KIF26B: variants seen among roughly 807,000 people sequenced by gnomAD.
KIF26B encodes kinesin-like protein KIF26B.
Under a neutral mutation model 151.2 loss-of-function variants are expected in KIF26B, and 63 were observed. The ratio of observed to expected loss-of-function variants is 0.42; its 90% CI spans 0.34 to 0.51. KIF26B has a LOEUF of 0.51. Among genes scored for constraint, KIF26B ranks in the 20% least tolerant of loss-of-function variants. KIF26B has a pLI of 0.07. For missense variants in KIF26B, 2,813 were observed against 2,913.6 expected (o/e 0.97, Z 0.79); for synonymous variants, 1,357 against 1,262.1 (o/e 1.08, Z -1.59).
At chr1:245,661,883 CAT>C (rs2044145690) in intron 10 of KIF26B, among the ~76,000 whole-genome samples, 1 of 141,550 alleles carries the variant, frequency 7.1e-6, no homozygotes, top group East Asian at 2.1e-4. Flanking sequence ...CACATACCCC[CAT>C]ATATATACAC....
intron 2 of KIF26B, among the ~76,000 whole-genome samples, chr1:245,351,893 G>A (rs926016170): frequency 3.3e-5 from 5 of 152,178 alleles, no homozygotes; most frequent in African/African-American, 1.2e-4. Flanking sequence ...GGCCCAATTA[G>A]ACACTTAATA....
At chr1:245,348,881 T>G (rs1275514079) in intron 2 of KIF26B, among the ~76,000 whole-genome samples, 1 of 152,208 alleles carries the variant, frequency 6.6e-6, no homozygotes, top group Admixed American at 6.5e-5. Flanking sequence ...CTGCTGTGGC[T>G]CACAGCCTCA....
intron 4 of KIF26B, among the ~76,000 whole-genome samples, chr1:245,423,047 G>A (rs1052747121): frequency 2.7e-5 from 4 of 147,554 alleles, no homozygotes; most frequent in African/African-American, 7.6e-5. Context: ...TCGGTGAGCC[G>A]AGATGGCGCC....
At chr1:245,306,806 G>A (rs1671563703) in intron 2 of KIF26B, among the ~76,000 whole-genome samples, 1 of 152,138 alleles carries the variant, frequency 6.6e-6, no homozygotes, top group South Asian at 2.1e-4. Context: ...TTCTGTATCT[G>A]TCATATGATC....
chr1:245,385,499 A>C (rs1384319762), intron 3 of KIF26B, among the ~76,000 whole-genome samples: 2 of 152,210 alleles, frequency 1.3e-5, no homozygotes, highest in Non-Finnish European at 2.9e-5. Context: ...GTACTTTTAC[A>C]TTGTAGTACC....
Position 245,685,585 on chromosome 1 carries a change from A to C in KIF26B, c.2602A>C (p.Ile868Leu). The C allele has an allele frequency of 1.2e-6, 2 of 1,613,858 alleles. No homozygotes were observed. Among genetic ancestry groups the C allele is most frequent in the Non-Finnish European group, 1.7e-6 (2 of 1,179,906 alleles). Residue 868 changes from isoleucine to leucine, a missense_variant, in exon 12 of 15, where the codon ATC (isoleucine) becomes CTC (leucine). Physicochemically the swap from Ile to Leu is conservative, Grantham distance 5. Transcript: ENST00000407071. ...SEQSCDTVIY[I>L]GPNGTALSDK... The stretch of plus-strand genomic sequence containing the variant: ...GCAGTCCTGCGACACCGTCATCTAC[A>C]TCGGGCCCAACGGCACGGCCCTCTC...
chr1:245,430,752 A>C (rs1658758055), intron 4 of KIF26B, among the ~76,000 whole-genome samples: 1 of 152,128 alleles, frequency 6.6e-6, no homozygotes, highest in South Asian at 2.1e-4. Context: ...ACACACATTT[A>C]ATCTTCAGAA....
At chr1:245,376,810 C>T (rs1294136917) in intron 3 of KIF26B, among the ~76,000 whole-genome samples, 3 of 152,176 alleles carry the variant, frequency 2.0e-5, no homozygotes, top group Non-Finnish European at 4.4e-5. Flanking sequence ...GCCTCAGCCT[C>T]CTGAGTAGCT....
At chr1:245,361,897 G>A (rs1672827255) in intron 2 of KIF26B, among the ~76,000 whole-genome samples, 1 of 151,986 alleles carries the variant, frequency 6.6e-6, no homozygotes, top group Non-Finnish European at 1.5e-5. Context: ...TGTCAGTGCA[G>A]ATGATAGAAC....
intron 2 of KIF26B, among the ~76,000 whole-genome samples, chr1:245,341,584 A>G (rs190704447): frequency 6.6e-6 from 1 of 152,170 alleles, no homozygotes; most frequent in African/African-American, 2.4e-5. Flanking sequence ...GGCGTCCCAA[A>G]GTGCTGGGAT....
In KIF26B at chr1:245,434,682, A is replaced by C. The variant is rs868702234; in HGVS notation, c.1166+14937A>C. On this transcript the variant is annotated intron_variant, in intron 4 of 14. Transcript: ENST00000407071. Reference sequence around the variant, plus strand: ...AGCAGGCCCAGGTAAGACTGGCAGGAGTTGGTGGATAAACACCCCAGCTCT... The same window carrying C: ...AGCAGGCCCAGGTAAGACTGGCAGGCGTTGGTGGATAAACACCCCAGCTCT... Among the ~76,000 whole-genome samples, 82 of 152,168 alleles carry C rather than the reference A, an allele frequency of 5.4e-4. No individual in the cohort carries two copies. In the Middle Eastern group the frequency reaches 0.024, roughly 44 times the overall value.
intron 2 of KIF26B, among the ~76,000 whole-genome samples, chr1:245,185,058 C>T (rs1341219481): frequency 6.6e-6 from 1 of 152,104 alleles, no homozygotes; most frequent in East Asian, 1.9e-4. Flanking sequence ...TTTATTGCTT[C>T]TCTGGGATTA....
intron 14 of KIF26B, among the ~76,000 whole-genome samples, 163 bp downstream of exon 14, chr1:245,699,200 C>A (rs2044736043): frequency 6.6e-6 from 1 of 152,168 alleles, no homozygotes; most frequent in Non-Finnish European, 1.5e-5. Flanking sequence ...GCCCTACTCC[C>A]CTGGGGATGG....
At chr1:245,644,277 T>C (rs1243174366) in intron 9 of KIF26B, among the ~76,000 whole-genome samples, 1 of 152,188 alleles carries the variant, frequency 6.6e-6, no homozygotes, top group African/African-American at 2.4e-5. Context: ...GCCATTCATC[T>C]CATCTACTAT....
intron 3 of KIF26B, among the ~76,000 whole-genome samples, chr1:245,418,336 TA>T (rs1674471127): frequency 6.6e-6 from 1 of 152,184 alleles, no homozygotes; most frequent in Non-Finnish European, 1.5e-5. Flanking sequence ...TATAATGCGT[TA>T]AATGAATGAG....
At chr1:245,398,144 C>T (rs1191409921) in intron 3 of KIF26B, among the ~76,000 whole-genome samples, 1 of 152,190 alleles carries the variant, frequency 6.6e-6, no homozygotes. Flanking sequence ...TTTGGCTCTA[C>T]TGTGCTTCCA....
intron 2 of KIF26B, among the ~76,000 whole-genome samples, chr1:245,182,848 G>A (rs1395680339): frequency 1.3e-5 from 2 of 152,180 alleles, no homozygotes; most frequent in African/African-American, 4.8e-5. Flanking sequence ...TGTTAGCCAG[G>A]ATGGTCTTGA....
chr1:245,643,795 T>C (rs192102763), intron 9 of KIF26B, among the ~76,000 whole-genome samples: 4 of 152,300 alleles, frequency 2.6e-5, no homozygotes, highest in African/African-American at 4.8e-5. Flanking sequence ...ACTTGACAGT[T>C]TTTAGTACTT....
rs557955482 is a variant in KIF26B at position 245,694,085 on chromosome 1, G to A, written c.5825-4021G>A. 3.3e-5 allele frequency among the ~76,000 whole-genome samples: 5 copies of A among 152,328 alleles called. No individual in the cohort carries two copies. The East Asian group carries it at 9.6e-4, about 29-fold the overall frequency. On this transcript the variant is annotated intron_variant, in intron 12 of 14. Transcript: ENST00000407071. ...GGTCCTAGGTGCGGGGTTCGGAATC[G>A]CAGAGAACACGGGAGGAAGCCCAGG...
Sources: gnomAD v4.1 joint callset for allele counts (sites outside exome capture counted in the v4.1 genomes callset) on GRCh38, gnomAD v4.1.1 for gene constraint, MANE v1.5 for transcripts, NCBI Gene and HGNC (gene_info 2026-07-23, HGNC 2026-07-21) for gene names.